The following ERC2 variants were observed in gnomAD, a reference collection of about 807,000 sequenced individuals.
ERC2 encodes the protein ELKS/RAB6-interacting/CAST family member 2.
ERC2 carries 42 observed loss-of-function variants against 114.8 expected under a neutral mutation model. The observed-to-expected ratio is 0.37, with a 90% CI of 0.29 to 0.47. The LOEUF (loss-of-function observed/expected upper bound fraction) is 0.47, where lower values mean the gene tolerates loss of function less well. Among genes scored for constraint, ERC2 ranks in the 20% least tolerant of loss-of-function variants. The pLI is 0.99. For synonymous variants in ERC2, 454 were observed against 425.5 expected (o/e 1.07, Z -0.82); for missense variants, 939 against 1,150.7 (o/e 0.82, Z 2.66).
At chr3:55,840,860 A>G (rs932256399) in intron 14 of ERC2, among the ~76,000 whole-genome samples, 1 of 152,128 alleles carries the variant, frequency 6.6e-6, no homozygotes, top group African/African-American at 2.4e-5. Context: ...AAAAGAGTAC[A>G]TTGACGATTC....
rs957713107 is a variant in ERC2 at position 56,025,732 on chromosome 3, T to C, written c.1642-6701A>G. The stretch of plus-strand genomic sequence containing the variant: ...CTTAAGGTCAATAGACTAGTGACCT[T>C]AATTACATCTGAAAATTCCCTTTTG... On this transcript the variant is annotated intron_variant, in intron 7 of 17. Coordinates refer to ENST00000288221, the MANE Select transcript of ERC2 (RefSeq NM_015576.3). 4.6e-5 allele frequency among the ~76,000 whole-genome samples: 7 copies of C among 152,304 alleles called. No homozygotes were observed. The East Asian group carries it at 1.4e-3, about 29-fold the overall frequency.
intron 2 of ERC2, among the ~76,000 whole-genome samples, chr3:56,300,037 C>G (rs1315534746): frequency 6.6e-6 from 1 of 152,150 alleles, no homozygotes; most frequent in African/African-American, 2.4e-5. Context: ...TTTGTCCCCA[C>G]ATCTACGCAG....
At chr3:55,710,080 G>A (rs111916659) in intron 15 of ERC2, among the ~76,000 whole-genome samples, 1 of 152,098 alleles carries the variant, frequency 6.6e-6, no homozygotes, top group Non-Finnish European at 1.5e-5. Flanking sequence ...AGAGTTGCCC[G>A]CTGTGCTGTC....
chr3:55,925,256 T>A (rs1275670649), intron 13 of ERC2, among the ~76,000 whole-genome samples: 3 of 152,184 alleles, frequency 2.0e-5, no homozygotes, highest in Non-Finnish European at 4.4e-5. Context: ...CTCAGAGTTA[T>A]ACCTTGCATT....
intron 7 of ERC2, among the ~76,000 whole-genome samples, chr3:56,077,472 A>T (rs2077027813): frequency 6.6e-6 from 1 of 152,214 alleles, no homozygotes; most frequent in African/African-American, 2.4e-5. Flanking sequence ...AGAACTTCCA[A>T]ACTGGTTCCC....
chr3:55,724,446 T>C (rs1279091509), intron 15 of ERC2, among the ~76,000 whole-genome samples: 2 of 152,172 alleles, frequency 1.3e-5, no homozygotes, highest in Non-Finnish European at 2.9e-5. Flanking sequence ...GGGAAGAGCA[T>C]GGAAAAGCTT....
At chr3:55,721,965 C>T (rs1249554472) in intron 15 of ERC2, among the ~76,000 whole-genome samples, 1 of 152,202 alleles carries the variant, frequency 6.6e-6, no homozygotes, top group African/African-American at 2.4e-5. Flanking sequence ...AAGCCAGCTG[C>T]AAGATAATCA....
At chr3:56,280,350 G>T (rs1374790921) in intron 3 of ERC2, among the ~76,000 whole-genome samples, 1 of 152,132 alleles carries the variant, frequency 6.6e-6, no homozygotes, top group Non-Finnish European at 1.5e-5. Context: ...TATTTGTATT[G>T]TCTAAAACCA....
chr3:55,542,110 T>C (rs2054436836), intron 17 of ERC2, among the ~76,000 whole-genome samples: 1 of 152,204 alleles, frequency 6.6e-6, no homozygotes, highest in South Asian at 2.1e-4. Flanking sequence ...GATCGCAGGA[T>C]TTATATAGGA....
chr3:56,184,478 T>C (rs2083469896), intron 3 of ERC2, among the ~76,000 whole-genome samples: 1 of 152,158 alleles, frequency 6.6e-6, no homozygotes, highest in Non-Finnish European at 1.5e-5. Context: ...GATTATCATA[T>C]GTAAAGCCCC....
chr3:56,038,126 A>G (rs189269468), intron 7 of ERC2, among the ~76,000 whole-genome samples: 8 of 152,372 alleles, frequency 5.3e-5, no homozygotes, highest in Admixed American at 5.2e-4. Flanking sequence ...AAAAGAAACT[A>G]TCATCAGAGC....
intron 14 of ERC2, among the ~76,000 whole-genome samples, chr3:55,809,673 G>C (rs1191718661): frequency 2.0e-5 from 3 of 152,118 alleles, no homozygotes; most frequent in South Asian, 4.1e-4. Flanking sequence ...CACTTTTGCA[G>C]GGCCATTTGT....
At chr3:55,960,325 A>T (rs1037242902) in intron 12 of ERC2, among the ~76,000 whole-genome samples, 2 of 152,142 alleles carry the variant, frequency 1.3e-5, no homozygotes, top group East Asian at 1.9e-4. Flanking sequence ...GTCTCCTTTC[A>T]GTTGCAATAA....
chr3:55,815,038 C>A (rs948219126), intron 14 of ERC2, among the ~76,000 whole-genome samples: 1 of 152,176 alleles, frequency 6.6e-6, no homozygotes, highest in Non-Finnish European at 1.5e-5. Flanking sequence ...TTGTTGTAAT[C>A]CCCTGTTTAG....
chr3:56,399,256 T>C (rs1324166958), intron 2 of ERC2, among the ~76,000 whole-genome samples: 2 of 152,188 alleles, frequency 1.3e-5, no homozygotes, highest in Non-Finnish European at 2.9e-5. Context: ...CGTACTTCTA[T>C]TCAAAATAAC....
At chr3:56,188,351 G>T (rs1259939641) in intron 3 of ERC2, among the ~76,000 whole-genome samples, 1 of 152,130 alleles carries the variant, frequency 6.6e-6, no homozygotes, top group Admixed American at 6.5e-5. Context: ...GAGAGGGAGG[G>T]TCTGGCTGCT....
chr3:56,248,014 G>C (rs980393261), intron 3 of ERC2, among the ~76,000 whole-genome samples: 2 of 152,136 alleles, frequency 1.3e-5, no homozygotes, highest in African/African-American at 4.8e-5. Context: ...TGGTCTTGAT[G>C]GTGAAAGTAA....
chr3:55,731,697 T>C (rs1265321809), intron 15 of ERC2, among the ~76,000 whole-genome samples: 14 of 152,200 alleles, frequency 9.2e-5, no homozygotes, highest in Admixed American at 7.9e-4. Flanking sequence ...ATACCCAACC[T>C]CTATGGGCCT....
chr3:55,723,710 CT>C (rs765403626), intron 15 of ERC2, among the ~76,000 whole-genome samples: 1 of 152,084 alleles, frequency 6.6e-6, no homozygotes, highest in Non-Finnish European at 1.5e-5. Flanking sequence ...AATCCTGATA[CT>C]ATTATTTGAA....
Sources: gnomAD v4.1 joint callset for allele counts (sites outside exome capture counted in the v4.1 genomes callset) on GRCh38, gnomAD v4.1.1 for gene constraint, MANE v1.5 for transcripts, NCBI Gene and HGNC (gene_info 2026-07-23, HGNC 2026-07-21) for gene names.